HECW1: variants seen among roughly 807,000 people sequenced by gnomAD.
HECW1 encodes HECT, C2 and WW domain containing E3 ubiquitin protein ligase 1, also known as E3 ubiquitin-protein ligase HECW1.
In HECW1, 61 loss-of-function variants were observed where a neutral mutation model predicts 182.3. That is an observed-to-expected ratio of 0.33 (90% confidence interval 0.27 to 0.41). HECW1 has a LOEUF of 0.41. Among genes scored for constraint, HECW1 ranks in the 10% least tolerant of loss-of-function variants. HECW1 has a pLI of 1.00. For missense variants in HECW1, 1,739 were observed against 2,108.9 expected, an observed-to-expected ratio of 0.82 and a Z score of 3.44; for synonymous variants, 859 against 832.6, an observed-to-expected ratio of 1.03 and a Z score of -0.55.
chr7:43,149,750 T>G lies in HECW1; in HGVS notation c.-32+35359T>G, dbSNP rs551067282. 1.7e-3 allele frequency among the ~76,000 whole-genome samples: 260 copies of G among 152,358 alleles called. 1 individual carries two copies. Among genetic ancestry groups the G allele is most frequent in the African/African-American group, 5.9e-3 (245 of 41,586 alleles). ...TAAAATAAAAATATTTACAGATATA[T>G]TCTTCAAAATTTTTTTCAGACATAT... On this transcript the variant is annotated intron_variant, in intron 2 of 29. Transcript: ENST00000395891.
intron 2 of HECW1, among the ~76,000 whole-genome samples, chr7:43,224,015 C>G (rs1000730670): frequency 7.2e-5 from 11 of 152,158 alleles, no homozygotes; most frequent in Non-Finnish European, 1.3e-4. Flanking sequence ...TATCATTGTC[C>G]CCAGAGTTCA....
intron 29 of HECW1, among the ~76,000 whole-genome samples, chr7:43,558,225 C>G (rs918122867): frequency 1.3e-5 from 2 of 152,070 alleles, no homozygotes; most frequent in Admixed American, 1.3e-4. Flanking sequence ...AGGTCAGAGT[C>G]GAAGTAGCAC....
At chr7:43,361,087 TGTAC>T in intron 6 of HECW1, 107 bp downstream of exon 6, 1 of 610,938 alleles carries the variant, frequency 1.6e-6, no homozygotes, top group East Asian at 3.1e-5. Flanking sequence ...TGTGTGTGTG[TGTAC>T]GTGTACATAC....
intron 3 of HECW1, among the ~76,000 whole-genome samples, chr7:43,303,340 G>A (rs1163971355): frequency 7.7e-6 from 1 of 130,062 alleles, no homozygotes; most frequent in Non-Finnish European, 1.6e-5. Flanking sequence ...CCCACCCCCC[G>A]CCCCCCAACA....
At chr7:43,542,044 TG>T in intron 26 of HECW1, 46 bp downstream of exon 26, 1 of 1,434,112 alleles carries the variant, frequency 7.0e-7, no homozygotes, top group Non-Finnish European at 9.2e-7. Flanking sequence ...TTTTTTACTA[TG>T]GAAAATGCAC....
chr7:43,427,524 T>C (rs2076399372), intron 8 of HECW1, among the ~76,000 whole-genome samples: 1 of 152,226 alleles, frequency 6.6e-6, no homozygotes, highest in African/African-American at 2.4e-5. Context: ...ATATCTCTAT[T>C]ATGCTGTTAC....
chr7:43,488,811 G>A lies in HECW1; in HGVS notation c.3235-3264G>A, dbSNP rs555488138. On this transcript the variant is annotated intron_variant, in intron 17 of 29. Transcript: ENST00000395891. Reference sequence around the variant, plus strand: ...GCCATCCAGTACCAACCAACCGTTTGCAGACATTTCTGTGGCTCAGGGACG... The same window carrying A: ...GCCATCCAGTACCAACCAACCGTTTACAGACATTTCTGTGGCTCAGGGACG... 2.8e-4 allele frequency among the ~76,000 whole-genome samples: 43 copies of A among 152,262 alleles called. No individual in the cohort carries two copies. The South Asian group carries it at 8.7e-3, about 31-fold the overall frequency.
intron 22 of HECW1, 72 bp downstream of exon 22, chr7:43,507,329 T>TAATA (rs768035688): frequency 3.4e-6 from 5 of 1,458,498 alleles, no homozygotes; most frequent in Non-Finnish European, 4.7e-6. Context: ...TACACCCTTG[T>TAATA]AATATTGTTT....
intron 8 of HECW1, among the ~76,000 whole-genome samples, chr7:43,416,850 G>A (rs1194298510): frequency 9.4e-5 from 2 of 21,364 alleles, no homozygotes; most frequent in Admixed American, 5.6e-4. Flanking sequence ...GGCCCCTTGC[G>A]CTTCCCAGGT....
At position 43,423,427 on chromosome 7, in the gene HECW1, C is replaced by G. The variant is rs569680985; in HGVS notation, c.802-14576C>G. 2.0e-5 allele frequency among the ~76,000 whole-genome samples: 3 copies of G among 152,270 alleles called. No individual in the cohort carries two copies. The South Asian group carries it at 6.2e-4, about 32-fold the overall frequency. ...GGGTGGGAGACTGGAGGTACTGCCT[C>G]TTGTTCTACAGTGATGCCTGAGGCT... On this transcript the variant is annotated intron_variant, in intron 8 of 29. Coordinates refer to ENST00000395891, the MANE Select transcript of HECW1 (RefSeq NM_015052.5).
At chr7:43,185,229 A>G (rs1469834583) in intron 2 of HECW1, among the ~76,000 whole-genome samples, 4 of 152,244 alleles carry the variant, frequency 2.6e-5, no homozygotes, top group Middle Eastern at 3.4e-3. Context: ...TAGAGAGGGC[A>G]TGGAAAGTCC....
rs2082271246 is a variant in HECW1, at chr7:43,563,857, A to C, written c.*1931A>C. 5.6e-6 allele frequency: 1 copy of C among 179,006 alleles called. No homozygotes were observed. The highest frequency in any genetic ancestry group is 2.4e-5 in the African/African-American group (1 of 41,310). 11.1% of individuals were successfully genotyped at this position (179,006 alleles called of 1,614,324 possible). A position where few individuals can be genotyped will look rare whatever the true frequency, so the allele number is the denominator to read the frequency against. On this transcript the variant is annotated 3_prime_UTR_variant, in exon 30 of 30. Transcript: ENST00000395891. ...GCACTCCAGCCTGGATGATCAAGGG[A>C]GACACCATCTAAAAAAAAAATAAAT...
At chr7:43,461,206 G>A (rs977023716) in intron 13 of HECW1, among the ~76,000 whole-genome samples, 3 of 152,186 alleles carry the variant, frequency 2.0e-5, no homozygotes, top group African/African-American at 7.2e-5. Flanking sequence ...GCAGTCAGAG[G>A]GTGGCCGGGG....
At chr7:43,502,447 A>G (rs2079402848) in intron 21 of HECW1, among the ~76,000 whole-genome samples, 1 of 152,186 alleles carries the variant, frequency 6.6e-6, no homozygotes, top group African/African-American at 2.4e-5. Context: ...ACTTGAGCCC[A>G]AGAGTTCGAG....
intron 17 of HECW1, among the ~76,000 whole-genome samples, chr7:43,482,653 G>A (rs1226967051): frequency 6.6e-6 from 1 of 152,172 alleles, no homozygotes; most frequent in Admixed American, 6.5e-5. Flanking sequence ...TGCCTGTAAT[G>A]AAAACACTTT....
chr7:43,476,029 T>C (rs2078208653), intron 16 of HECW1, among the ~76,000 whole-genome samples: 1 of 152,164 alleles, frequency 6.6e-6, no homozygotes, highest in South Asian at 2.1e-4. Context: ...TTATTTAACG[T>C]TGTTCTAGAA....
At chr7:43,264,610 C>T (rs892506417) in intron 3 of HECW1, among the ~76,000 whole-genome samples, 4 of 152,028 alleles carry the variant, frequency 2.6e-5, no homozygotes, top group Non-Finnish European at 5.9e-5. Flanking sequence ...CTTTGGGAGG[C>T]CAAGGCGGGC....
At chr7:43,508,160 C>T in intron 23 of HECW1, 29 bp downstream of exon 23, 1 of 1,502,882 alleles carries the variant, frequency 6.7e-7, no homozygotes, top group Non-Finnish European at 9.3e-7. Flanking sequence ...TATGCAGACA[C>T]CTAAGCAAGG....
intron 4 of HECW1, among the ~76,000 whole-genome samples, chr7:43,316,311 A>C: frequency 6.6e-6 from 1 of 152,200 alleles, no homozygotes; most frequent in Non-Finnish European, 1.5e-5. Flanking sequence ...CGATGACAAA[A>C]TCTTGAACAG....
Sources: gnomAD v4.1 joint callset for allele counts (sites outside exome capture counted in the v4.1 genomes callset) on GRCh38, gnomAD v4.1.1 for gene constraint, MANE v1.5 for transcripts, NCBI Gene and HGNC (gene_info 2026-07-23, HGNC 2026-07-21) for gene names.